The following NLGN4X variants were observed in gnomAD, a reference collection of about 807,000 sequenced individuals.
NLGN4X encodes the protein neuroligin 4 X-linked.
In NLGN4X, 3 loss-of-function variants were observed where a neutral mutation model predicts 40.3. The observed-to-expected ratio is 0.07, with a 90% CI of 0.03 to 0.19. The LOEUF is 0.19. Ranked by LOEUF, NLGN4X falls within the 10% of genes least tolerant of loss-of-function variation. The pLI, the probability that NLGN4X is intolerant of heterozygous loss-of-function variation, is 1.00. For missense variants in NLGN4X, 382 were observed against 708.3 expected (o/e 0.54, Z 5.23); for synonymous variants, 270 against 306.8 (o/e 0.88, Z 1.25).
At chrX:6,042,196 T>G (rs1157186680) in intron 2 of NLGN4X, among the ~76,000 whole-genome samples, 3 of 111,772 alleles carry the variant, frequency 2.7e-5, no homozygotes, top group South Asian at 3.7e-4. Context: ...GAAGACAGAC[T>G]GAGAGAAAAA....
At chrX:6,063,849 C>A (rs1274891533) in intron 2 of NLGN4X, among the ~76,000 whole-genome samples, 1 of 111,859 alleles carries the variant, frequency 8.9e-6, no homozygotes, top group African/African-American at 3.2e-5. Flanking sequence ...AAGTGCTTCA[C>A]AAAATACAAA....
intron 2 of NLGN4X, among the ~76,000 whole-genome samples, chrX:6,108,527 A>T (rs5915649): frequency 0.2 from 21,469 of 109,243 alleles, 1,856 homozygotes; most frequent in Non-Finnish European, 0.25. Flanking sequence ...AATAAATAAA[A>T]AATTGGCTGG....
At chrX:5,991,290 T>C (rs1052592692) in intron 3 of NLGN4X, 32 of 324,092 alleles carry the variant, frequency 9.9e-5, no homozygotes, top group African/African-American at 7.0e-4. Flanking sequence ...CAATGAGACA[T>C]TGTTCTTCTT....
Position 6,048,913 on chromosome X carries a change from T to C in NLGN4X, c.473-19481A>G, listed in dbSNP as rs1468275067. Among the ~76,000 whole-genome samples the C allele has an allele frequency of 3.7e-5, 4 of 107,054 alleles. No homozygotes were observed. In the East Asian group the frequency reaches 1.2e-3, roughly 32 times the overall value. 93.0% of individuals were successfully genotyped at this position (107,054 alleles called of 115,157 possible). A position where few individuals can be genotyped will look rare whatever the true frequency, so the allele number is the denominator to read the frequency against. On this transcript the variant is annotated intron_variant, in intron 2 of 5. Transcript: ENST00000381095. ...GATGCGGGGCTTAATACCTAGGTGATGGATTGGTAGGGGCAGCAAACCCCC... is the reference window on the plus strand; with the variant it reads ...GATGCGGGGCTTAATACCTAGGTGACGGATTGGTAGGGGCAGCAAACCCCC...
chrX:6,031,501 T>C (rs2036855969), intron 2 of NLGN4X, among the ~76,000 whole-genome samples: 1 of 111,085 alleles, frequency 9.0e-6, no homozygotes, highest in South Asian at 3.8e-4. Flanking sequence ...TTTCTTTTCT[T>C]GGAGAACAGT....
chrX:6,086,328 G>T (rs1338594129), intron 2 of NLGN4X, among the ~76,000 whole-genome samples: 1 of 112,350 alleles, frequency 8.9e-6, no homozygotes, highest in East Asian at 2.8e-4. Context: ...AAGAAGATGT[G>T]AATGATGTAG....
intron 3 of NLGN4X, among the ~76,000 whole-genome samples, chrX:5,983,616 C>T (rs1222718915): frequency 2.7e-5 from 3 of 111,278 alleles, no homozygotes; most frequent in Non-Finnish European, 5.7e-5. Context: ...TGAGAAGAAA[C>T]GATCCAGAGA....
chrX:6,071,368 G>A (rs999884984), intron 2 of NLGN4X, among the ~76,000 whole-genome samples: 5 of 111,212 alleles, frequency 4.5e-5, no homozygotes, highest in Non-Finnish European at 9.4e-5. Flanking sequence ...GGGGCGGGGG[G>A]AGAGTAATAC....
intron 3 of NLGN4X, among the ~76,000 whole-genome samples, chrX:5,949,102 C>T (rs1051130540): frequency 8.9e-6 from 1 of 111,936 alleles, no homozygotes; most frequent in Non-Finnish European, 1.9e-5. Context: ...TCTTATGATC[C>T]AGCCCTGGAA....
intron 3 of NLGN4X, among the ~76,000 whole-genome samples, chrX:5,978,369 C>T (rs2035275782): frequency 1.1e-5 from 1 of 93,807 alleles, no homozygotes; most frequent in Non-Finnish European, 2.1e-5. Context: ...CTTTCTCTTT[C>T]TTCTCTCTTT....
At chrX:5,984,380 C>CAAA (rs549401348) in intron 3 of NLGN4X, among the ~76,000 whole-genome samples, 2 of 91,361 alleles carry the variant, frequency 2.2e-5, no homozygotes, top group African/African-American at 7.8e-5. Flanking sequence ...ATACAAAATA[C>CAAA]AAAAAAAAAA....
At chrX:6,064,303 C>A (rs964824096) in intron 2 of NLGN4X, among the ~76,000 whole-genome samples, 1 of 111,623 alleles carries the variant, frequency 9.0e-6, no homozygotes, top group South Asian at 3.8e-4. Context: ...GCGGGGAAGG[C>A]TGTGTGGATG....
chrX:6,048,581 C>T (rs2037387137), intron 2 of NLGN4X, among the ~76,000 whole-genome samples: 1 of 111,817 alleles, frequency 8.9e-6, no homozygotes, highest in Non-Finnish European at 1.9e-5. Flanking sequence ...ATCGCAAAGA[C>T]ATGGAATCAA....
At chrX:6,037,199 G>A (rs1250517676) in intron 2 of NLGN4X, among the ~76,000 whole-genome samples, 1 of 109,760 alleles carries the variant, frequency 9.1e-6, no homozygotes, top group Admixed American at 9.8e-5. Context: ...CCAGCTATTC[G>A]GGAGACTGAG....
chrX:6,160,987 ATAGGATATAAAATATATTATT>A (rs1163353154), intron 1 of NLGN4X, among the ~76,000 whole-genome samples: 13 of 100,528 alleles, frequency 1.3e-4, no homozygotes, highest in African/African-American at 3.2e-4. Context: ...TATATATAAT[ATAGGATATAAAATATATTATT>A]CTATATATAA....
At chrX:6,075,885 C>G (rs1209283417) in intron 2 of NLGN4X, among the ~76,000 whole-genome samples, 1 of 111,394 alleles carries the variant, frequency 9.0e-6, no homozygotes, top group Non-Finnish European at 1.9e-5. Flanking sequence ...GTCACCCAGT[C>G]TCAGAGATTC....
intron 2 of NLGN4X, among the ~76,000 whole-genome samples, chrX:6,144,262 C>A (rs1350465796): frequency 9.0e-6 from 1 of 111,697 alleles, no homozygotes; most frequent in African/African-American, 3.3e-5. Context: ...ACTAGAAATT[C>A]TTGGAAGTAG....
chrX:6,144,474 C>T (rs1240135248), intron 2 of NLGN4X, among the ~76,000 whole-genome samples: 1 of 111,704 alleles, frequency 9.0e-6, no homozygotes, highest in Non-Finnish European at 1.9e-5. Flanking sequence ...TATTCTTTTA[C>T]AGTTCTAAGG....
chrX:6,198,822 A>G (rs1056803387), intron 1 of NLGN4X, among the ~76,000 whole-genome samples: 3 of 111,781 alleles, frequency 2.7e-5, no homozygotes, highest in African/African-American at 9.8e-5. Flanking sequence ...GATTCTAGCC[A>G]AGGTTCTGAC....
Sources: allele counts gnomAD v4.1 joint callset (sites outside exome capture counted in the v4.1 genomes callset), GRCh38; gene constraint gnomAD v4.1.1; transcripts MANE v1.5; gene names NCBI Gene and HGNC (gene_info 2026-07-23, HGNC 2026-07-21).